Variants in RHOBTB3 observed in about 807,000 individuals in gnomAD.
RHOBTB3 encodes the protein rho-related BTB domain-containing protein 3.
A neutral mutation model predicts 67.2 loss-of-function variants in RHOBTB3; 47 were observed. The ratio of observed to expected loss-of-function variants is 0.70; its 90% CI spans 0.55 to 0.89. RHOBTB3 has a LOEUF of 0.89. RHOBTB3 is among the 40% of genes least tolerant of loss of function. RHOBTB3 has a pLI of 0.00. For missense variants in RHOBTB3, 631 were observed against 750.0 expected, an observed-to-expected ratio of 0.84 and a Z score of 1.85; for synonymous variants, 273 against 274.2, an observed-to-expected ratio of 1.00 and a Z score of 0.04.
intron 3 of RHOBTB3, among the ~76,000 whole-genome samples, chr5:95,740,273 G>A (rs1755560272): frequency 6.6e-6 from 1 of 152,148 alleles, no homozygotes; most frequent in East Asian, 1.9e-4. Context: ...TTTGTTAGCA[G>A]CATGAGAACA....
chr5:95,793,023 CAT>C (rs1561459792), intron 11 of RHOBTB3, 34 bp from the exon 12 acceptor site: 2 of 1,390,178 alleles, frequency 1.4e-6, no homozygotes, highest in East Asian at 2.3e-5. Context: ...CATAATAAAA[CAT>C]ATTCGGTTAA....
At position 95,788,742 on chromosome 5, in the gene RHOBTB3, AC is replaced by A. The variant is rs1318352779; in HGVS notation, c.1624-19del. On this transcript the variant is annotated intron_variant, in intron 10 of 11. Coordinates refer to ENST00000379982, the MANE Select transcript of RHOBTB3 (RefSeq NM_014899.4). Reference sequence around the variant, plus strand: ...TGGCCATTATGTGCAATATTATTTCACTTTTCATTTTTCTTGCAGTTTCACC... The same window carrying A: ...TGGCCATTATGTGCAATATTATTTCATTTTCATTTTTCTTGCAGTTTCACC... The A allele has an allele frequency of 6.6e-7, 1 of 1,523,628 alleles. No individual in the cohort carries two copies. The highest frequency in any genetic ancestry group is 1.8e-5 in the Admixed American group (1 of 54,260). 94.4% of individuals were successfully genotyped at this position (1,523,628 alleles called of 1,614,324 possible).
At chr5:95,740,364 C>T (rs1755561825) in intron 3 of RHOBTB3, among the ~76,000 whole-genome samples, 1 of 152,188 alleles carries the variant, frequency 6.6e-6, no homozygotes. Flanking sequence ...TTATCACACA[C>T]TCAACTATAC....
chr5:95,763,672 C>A, intron 7 of RHOBTB3, 52 bp downstream of exon 7: 1 of 991,494 alleles, frequency 1.0e-6, no homozygotes, highest in South Asian at 1.3e-5. Flanking sequence ...AATTATAACT[C>A]ACATACTATG....
chr5:95,731,154 C>A, upstream of RHOBTB3: 1 of 1,018,304 alleles, frequency 9.8e-7, no homozygotes, highest in Non-Finnish European at 1.2e-6. Context: ...CCCGCGCGGG[C>A]GGCTCCTTTG....
In RHOBTB3 at chr5:95,732,063, G is replaced by A. The variant is rs1755287939; in HGVS notation, c.207G>A (p.Val69=). 3 of 1,614,212 alleles carry A rather than the reference G, an allele frequency of 1.9e-6. No individual in the cohort carries two copies. Among genetic ancestry groups the A allele is most frequent in the Non-Finnish European group, 2.5e-6 (3 of 1,180,028 alleles). ...GTGCGTTTGGGAATGTCAAGCTGGT[G>A]GTCCACGACTGTCCCGTCTGGGTAA... is the stretch of plus-strand genomic sequence containing the variant. ...QASAFGNVKL[V]VHDCPVWDIF... is the part of the protein sequence containing the mutation. The change falls in exon 2 of 12, where the codon GTG becomes GTA. Residue 69 remains valine, a synonymous_variant. Coordinates refer to ENST00000379982, the MANE Select transcript of RHOBTB3 (RefSeq NM_014899.4).
At chr5:95,733,121 A>G (rs1007089361) in intron 2 of RHOBTB3, among the ~76,000 whole-genome samples, 3 of 152,220 alleles carry the variant, frequency 2.0e-5, no homozygotes, top group South Asian at 2.1e-4. Flanking sequence ...GTTCCACATA[A>G]CAGAACGAAA....
At chr5:95,761,243 G>A (rs947137828) in intron 6 of RHOBTB3, among the ~76,000 whole-genome samples, 2 of 151,930 alleles carry the variant, frequency 1.3e-5, no homozygotes, top group African/African-American at 4.8e-5. Flanking sequence ...CTTTAGATTG[G>A]ATGAGTGCAG....
chr5:95,788,964 A>T (rs561429441), intron 11 of RHOBTB3, 106 bp downstream of exon 11: 1 of 666,084 alleles, frequency 1.5e-6, no homozygotes, highest in African/African-American at 1.9e-5. Context: ...AGAATAGTCA[A>T]TGTAATAAAT....
chr5:95,725,456 T>G (rs1255147212), intron 1 of RHOBTB3, among the ~76,000 whole-genome samples: 2 of 152,242 alleles, frequency 1.3e-5, no homozygotes, highest in African/African-American at 2.4e-5. Context: ...GGAAGAGGGC[T>G]GTAGCTGAAG....
intron 4 of RHOBTB3, among the ~76,000 whole-genome samples, chr5:95,750,687 C>T (rs1197816240): frequency 6.6e-6 from 1 of 152,144 alleles, no homozygotes; most frequent in East Asian, 1.9e-4. Context: ...GGACAGTCCT[C>T]CTGATGGTGG....
intron 6 of RHOBTB3, among the ~76,000 whole-genome samples, chr5:95,760,407 T>C (rs886336581): frequency 2.6e-5 from 4 of 152,202 alleles, no homozygotes; most frequent in Admixed American, 2.6e-4. Context: ...AAGTGAAGTA[T>C]TTGTAAGAAC....
intron 8 of RHOBTB3, among the ~76,000 whole-genome samples, chr5:95,768,592 A>G (rs1028630980): frequency 6.6e-6 from 1 of 152,144 alleles, no homozygotes; most frequent in Admixed American, 6.5e-5. Flanking sequence ...CCATTATTTT[A>G]TTCAGCTGTC....
At chr5:95,719,469 C>T (rs562852735) in intron 1 of RHOBTB3, among the ~76,000 whole-genome samples, 1 of 152,242 alleles carries the variant, frequency 6.6e-6, no homozygotes, top group East Asian at 1.9e-4. Context: ...GGGAATGGGG[C>T]AAGTTAGGTT....
chr5:95,790,188 T>C (rs1404814270), intron 11 of RHOBTB3, among the ~76,000 whole-genome samples: 1 of 152,216 alleles, frequency 6.6e-6, no homozygotes, highest in East Asian at 1.9e-4. Flanking sequence ...ACAACAGTTA[T>C]TTATTAGCTA....
chr5:95,731,770 G>T, intron 1 of RHOBTB3, 86 bp downstream of exon 1: 2 of 1,604,906 alleles, frequency 1.2e-6, no homozygotes, highest in Non-Finnish European at 8.5e-7. Context: ...CATCCTCGCC[G>T]CGCGCTGTCC....
At chr5:95,722,435 G>A (rs550449897) in intron 1 of RHOBTB3, among the ~76,000 whole-genome samples, 1 of 152,194 alleles carries the variant, frequency 6.6e-6, no homozygotes, top group Non-Finnish European at 1.5e-5. Context: ...AATGGTGCTT[G>A]ATAATAATAC....
At position 95,748,095 on chromosome 5, in the gene RHOBTB3, C is replaced by T. The variant is rs529728750; in HGVS notation, c.416-238C>T. Among the ~76,000 whole-genome samples, 3 of 151,992 alleles carry T rather than the reference C, an allele frequency of 2.0e-5. 1 individual carries two copies. The highest frequency in any genetic ancestry group is 2.1e-4 in the South Asian group (1 of 4,830). ...TGGTTGTTTGTTAATATCCATTCAC[C>T]TACTTTTAAATTTTTCTATTTTCTA... On this transcript the variant is annotated intron_variant, in intron 3 of 11. Coordinates refer to ENST00000379982, the MANE Select transcript of RHOBTB3 (RefSeq NM_014899.4).
upstream of RHOBTB3, among the ~76,000 whole-genome samples, chr5:95,726,178 T>G (rs1755047197): frequency 6.6e-6 from 1 of 152,244 alleles, no homozygotes; most frequent in Admixed American, 6.5e-5. Context: ...TTAGCAAAAC[T>G]TCATGTGAAT....
Sources: allele counts gnomAD v4.1 joint callset (sites outside exome capture counted in the v4.1 genomes callset), GRCh38; gene constraint gnomAD v4.1.1; transcripts MANE v1.5; gene names NCBI Gene and HGNC (gene_info 2026-07-23, HGNC 2026-07-21).